MCTP1: variants seen among roughly 807,000 people sequenced by gnomAD.
MCTP1 encodes multiple C2 and transmembrane domain-containing protein 1.
In MCTP1, 69 loss-of-function variants were observed where a neutral mutation model predicts 120.6. The ratio of observed to expected loss-of-function variants is 0.57; its 90% CI spans 0.47 to 0.70. The LOEUF (loss-of-function observed/expected upper bound fraction) is 0.70, where lower values mean the gene tolerates loss of function less well. Among genes scored for constraint, MCTP1 ranks in the 30% least tolerant of loss-of-function variants. The pLI, the probability that MCTP1 is intolerant of heterozygous loss-of-function variation, is 0.00. For missense variants in MCTP1, 1,203 were observed against 1,248.8 expected (o/e 0.96, Z 0.55); for synonymous variants, 529 against 493.1 (o/e 1.07, Z -0.96).
At chr5:95,087,721 G>T (rs1275420031) in intron 1 of MCTP1, among the ~76,000 whole-genome samples, 1 of 152,216 alleles carries the variant, frequency 6.6e-6, no homozygotes, top group Non-Finnish European at 1.5e-5. Flanking sequence ...AAACACTGGG[G>T]TAGGGTGCTA....
At chr5:94,925,650 C>T (rs1353797929) in intron 6 of MCTP1, among the ~76,000 whole-genome samples, 1 of 152,166 alleles carries the variant, frequency 6.6e-6, no homozygotes, top group African/African-American at 2.4e-5. Context: ...ACCTCGTGAT[C>T]CGCCCGCCTA....
At chr5:94,730,172 G>A (rs1762868612) in intron 19 of MCTP1, among the ~76,000 whole-genome samples, 1 of 152,162 alleles carries the variant, frequency 6.6e-6, no homozygotes, top group South Asian at 2.1e-4. Flanking sequence ...ATGAGACTTA[G>A]TTTTTTGAGA....
At chr5:94,786,134 G>A (rs1777633925) in intron 18 of MCTP1, among the ~76,000 whole-genome samples, 1 of 152,122 alleles carries the variant, frequency 6.6e-6, no homozygotes, top group Admixed American at 6.5e-5. Flanking sequence ...TGATCTGTTA[G>A]GTTTGATTCA....
chr5:95,277,236 T>C (rs1398445347), intron 1 of MCTP1, among the ~76,000 whole-genome samples: 1 of 152,122 alleles, frequency 6.6e-6, no homozygotes, highest in Non-Finnish European at 1.5e-5. Flanking sequence ...ACCTCAGAAG[T>C]AGGATGTTTT....
At chr5:95,182,367 G>A (rs1748697327) in intron 1 of MCTP1, among the ~76,000 whole-genome samples, 1 of 152,208 alleles carries the variant, frequency 6.6e-6, no homozygotes. Flanking sequence ...ACTCTGTATG[G>A]TAGGTTATAC....
At chr5:94,988,597 G>GGT (rs1830865621) in intron 2 of MCTP1, among the ~76,000 whole-genome samples, 1 of 117,480 alleles carries the variant, frequency 8.5e-6, no homozygotes, top group African/African-American at 3.4e-5. Flanking sequence ...CCCTGTGTGT[G>GGT]TTTTTTTTTT....
chr5:94,872,818 G>A (rs1561783865), intron 13 of MCTP1, among the ~76,000 whole-genome samples: 1 of 151,980 alleles, frequency 6.6e-6, no homozygotes, highest in Non-Finnish European at 1.5e-5. Flanking sequence ...CAATGCAATT[G>A]GAAAGAATTT....
intron 18 of MCTP1, among the ~76,000 whole-genome samples, chr5:94,794,303 A>G (rs1362466348): frequency 6.6e-6 from 1 of 152,270 alleles, no homozygotes; most frequent in Non-Finnish European, 1.5e-5. Context: ...ACGAATATGA[A>G]GAAGTCAGCT....
chr5:94,945,286 T>C (rs1818657574), intron 3 of MCTP1, among the ~76,000 whole-genome samples: 1 of 152,152 alleles, frequency 6.6e-6, no homozygotes, highest in South Asian at 2.1e-4. Flanking sequence ...CTCAAGTGAC[T>C]TTAGAACAAG....
chr5:95,118,407 G>C (rs1270200730), intron 1 of MCTP1, among the ~76,000 whole-genome samples: 1 of 151,750 alleles, frequency 6.6e-6, no homozygotes. Flanking sequence ...AAAATGAAAA[G>C]CATAAAATTA....
chr5:94,848,534 G>T (rs961722576), intron 17 of MCTP1, among the ~76,000 whole-genome samples: 4 of 152,088 alleles, frequency 2.6e-5, no homozygotes, highest in Non-Finnish European at 1.5e-5. Flanking sequence ...TCTTGTTCCT[G>T]AAATTGCACT....
intron 19 of MCTP1, among the ~76,000 whole-genome samples, chr5:94,763,708 C>G (rs1370467360): frequency 1.3e-5 from 2 of 152,036 alleles, no homozygotes; most frequent in Non-Finnish European, 2.9e-5. Flanking sequence ...GTTTATGGAA[C>G]AAAAGCATCA....
chr5:95,024,225 A>G, intron 1 of MCTP1: 1 of 278,132 alleles, frequency 3.6e-6, no homozygotes, highest in Non-Finnish European at 7.2e-6. Context: ...TAGTTTTACA[A>G]TTTCAGGTCT....
chr5:94,840,655 AC>A (rs748333711), intron 17 of MCTP1, among the ~76,000 whole-genome samples: 1 of 152,174 alleles, frequency 6.6e-6, no homozygotes, highest in Non-Finnish European at 1.5e-5. Flanking sequence ...ATCAGGGCTT[AC>A]CACCTATGTG....
At chr5:94,956,145 A>C (rs1419836840) in intron 2 of MCTP1, among the ~76,000 whole-genome samples, 2 of 152,230 alleles carry the variant, frequency 1.3e-5, no homozygotes, top group Admixed American at 6.5e-5. Flanking sequence ...TGACCCCAGC[A>C]AATTCCAGTT....
intron 3 of MCTP1, among the ~76,000 whole-genome samples, chr5:94,950,911 C>T (rs950894825): frequency 6.7e-6 from 1 of 149,664 alleles, no homozygotes; most frequent in Non-Finnish European, 1.5e-5. Flanking sequence ...CGTGCCACTG[C>T]ACTCCAGCCT....
At chr5:94,999,330 T>C (rs1215703864) in intron 2 of MCTP1, among the ~76,000 whole-genome samples, 1 of 152,196 alleles carries the variant, frequency 6.6e-6, no homozygotes, top group African/African-American at 2.4e-5. Context: ...TAAATGCAAC[T>C]GAGAGATGCA....
intron 2 of MCTP1, among the ~76,000 whole-genome samples, chr5:95,006,176 T>C (rs1344046779): frequency 6.6e-6 from 1 of 152,022 alleles, no homozygotes; most frequent in Non-Finnish European, 1.5e-5. Context: ...CAAAACAAAT[T>C]TGAACAAAAT....
intron 1 of MCTP1, among the ~76,000 whole-genome samples, chr5:95,130,026 C>T (rs1399674489): frequency 1.3e-5 from 2 of 152,180 alleles, no homozygotes; most frequent in Non-Finnish European, 2.9e-5. Context: ...TGTCCTTGGA[C>T]ATCAGTGCTT....
Sources: allele counts gnomAD v4.1 joint callset (sites outside exome capture counted in the v4.1 genomes callset), GRCh38; gene constraint gnomAD v4.1.1; transcripts MANE v1.5; gene names NCBI Gene and HGNC (gene_info 2026-07-23, HGNC 2026-07-21).